LOC400499: variants seen among roughly 807,000 people sequenced by gnomAD.
chr16:11,428,819 G>T, the LOC400499 span, among the ~76,000 whole-genome samples: 2 of 152,102 alleles, frequency 1.3e-5, no homozygotes, highest in Non-Finnish European at 2.9e-5. Flanking sequence ...AGAGTGGATA[G>T]GGGATAAAGA....
the LOC400499 span, among the ~76,000 whole-genome samples, chr16:11,435,302 T>C: frequency 6.6e-6 from 1 of 151,844 alleles, no homozygotes; most frequent in African/African-American, 2.4e-5. Flanking sequence ...TTTGGAGAGA[T>C]GGGGTCTTGC....
chr16:11,491,841 G>C, the LOC400499 span: 1 of 398,882 alleles, frequency 2.5e-6, no homozygotes, highest in East Asian at 3.6e-5. Flanking sequence ...GGAGAGCACC[G>C]ATCTCTGGCT....
the LOC400499 span, among the ~76,000 whole-genome samples, chr16:11,487,085 A>G: frequency 6.6e-6 from 1 of 151,976 alleles, no homozygotes; most frequent in African/African-American, 2.4e-5. Context: ...GGAGGCATGT[A>G]GGTGAATTGA....
At chr16:11,457,048 T>C in the LOC400499 span, 2 of 1,511,190 alleles carry the variant, frequency 1.3e-6, no homozygotes, top group Non-Finnish European at 1.8e-6. Flanking sequence ...AACTGGAGAA[T>C]GCCCACCCCC....
chr16:11,398,136 G>C, the LOC400499 span, among the ~76,000 whole-genome samples: 4 of 152,194 alleles, frequency 2.6e-5, no homozygotes, highest in Non-Finnish European at 5.9e-5. Flanking sequence ...CTACGTCCTG[G>C]AACCTGCTGC....
chr16:11,468,834 C>T, the LOC400499 span, among the ~76,000 whole-genome samples: 1 of 152,278 alleles, frequency 6.6e-6, no homozygotes, highest in Middle Eastern at 3.4e-3. Context: ...CACCATTTGG[C>T]CAGGCTGGTC....
At chr16:11,419,765 C>A in the LOC400499 span, among the ~76,000 whole-genome samples, 2 of 151,998 alleles carry the variant, frequency 1.3e-5, no homozygotes, top group African/African-American at 4.8e-5. Flanking sequence ...AAAACAACCC[C>A]ATCAAAAAGT....
the LOC400499 span, chr16:11,476,690 G>GCA: frequency 5.3e-3 from 2,120 of 399,064 alleles, 36 homozygotes; most frequent in African/African-American, 0.041. Context: ...ATGCATGCAA[G>GCA]CACACACACC....
chr16:11,496,022 C>G, the LOC400499 span, among the ~76,000 whole-genome samples: 1 of 151,910 alleles, frequency 6.6e-6, no homozygotes, highest in Admixed American at 6.6e-5. Flanking sequence ...AGAACAGGGA[C>G]TGCTTGGCAG....
the LOC400499 span, among the ~76,000 whole-genome samples, chr16:11,491,293 T>A: frequency 6.6e-6 from 1 of 152,182 alleles, no homozygotes; most frequent in Non-Finnish European, 1.5e-5. Flanking sequence ...GGTGCCTGTA[T>A]AAAGGGAATT....
chr16:11,395,088 G>A, the LOC400499 span, among the ~76,000 whole-genome samples: 1 of 152,234 alleles, frequency 6.6e-6, no homozygotes, highest in Non-Finnish European at 1.5e-5. Context: ...TGCCAGGCAG[G>A]TGGGGGCAGG....
chr16:11,480,361 G>T, the LOC400499 span, among the ~76,000 whole-genome samples: 1 of 152,314 alleles, frequency 6.6e-6, no homozygotes, highest in African/African-American at 2.4e-5. Context: ...TTATTGCCCT[G>T]CTCATCCTGG....
chr16:11,509,397 C>T, the LOC400499 span, among the ~76,000 whole-genome samples: 226 of 150,484 alleles, frequency 1.5e-3, no homozygotes, highest in African/African-American at 5.3e-3. Flanking sequence ...GGATTACAGG[C>T]GTGAGCCACC....
At chr16:11,420,663 A>C in the LOC400499 span, among the ~76,000 whole-genome samples, 1 of 143,510 alleles carries the variant, frequency 7.0e-6, no homozygotes, top group South Asian at 2.4e-4. Flanking sequence ...CACAATTTCG[A>C]AGGAGCTACC....
the LOC400499 span, among the ~76,000 whole-genome samples, chr16:11,454,338 A>G: frequency 6.6e-6 from 1 of 152,246 alleles, no homozygotes; most frequent in Admixed American, 6.5e-5. Context: ...TTGAAGTCTT[A>G]ATCCCCAATC....
the LOC400499 span, chr16:11,392,256 G>C: frequency 7.5e-6 from 3 of 398,868 alleles, no homozygotes; most frequent in African/African-American, 6.2e-5. Context: ...CTGGCACGGG[G>C]GCCTCTGCCC....
chr16:11,463,386 G>C, the LOC400499 span, among the ~76,000 whole-genome samples: 2 of 149,948 alleles, frequency 1.3e-5, no homozygotes, highest in Non-Finnish European at 3.0e-5. Flanking sequence ...GTGCGGATGT[G>C]TGTGTATGAA....
chr16:11,400,305 G>A, the LOC400499 span, among the ~76,000 whole-genome samples: 7 of 152,026 alleles, frequency 4.6e-5, no homozygotes, highest in South Asian at 4.2e-4. Flanking sequence ...GTTGCCTGCA[G>A]TGCTGCTCCT....
the LOC400499 span, among the ~76,000 whole-genome samples, chr16:11,504,984 G>A: frequency 6.6e-6 from 1 of 152,074 alleles, no homozygotes; most frequent in Non-Finnish European, 1.5e-5. Flanking sequence ...CTTTTACTAT[G>A]TTCCAGCAAC....
Sources: gnomAD v4.1 joint callset for allele counts (sites outside exome capture counted in the v4.1 genomes callset) on GRCh38, gnomAD v4.1.1 for gene constraint, MANE v1.5 for transcripts.